CHODL: variants seen among roughly 807,000 people sequenced by gnomAD.
CHODL encodes transmembrane protein MT75.
A neutral mutation model predicts 34.5 loss-of-function variants in CHODL; 29 were observed. The observed-to-expected ratio is 0.84, with a 90% CI of 0.63 to 1.15. The LOEUF (loss-of-function observed/expected upper bound fraction) is 1.15, where lower values mean the gene tolerates loss of function less well. CHODL is among the 50% of genes most tolerant of loss of function. The pLI is 0.00. For missense variants in CHODL, 332 were observed against 332.5 expected, an observed-to-expected ratio of 1.00 and a Z score of 0.01; for synonymous variants, 125 against 116.1, an observed-to-expected ratio of 1.08 and a Z score of -0.49.
At chr21:17,965,756 T>A (rs1443732220) in intron 1 of CHODL, among the ~76,000 whole-genome samples, 2 of 152,096 alleles carry the variant, frequency 1.3e-5, no homozygotes, top group Non-Finnish European at 2.9e-5. Context: ...CAATAAAAGT[T>A]AGTAAAGGGG....
At chr21:18,009,334 G>C (rs1212032599) in intron 1 of CHODL, among the ~76,000 whole-genome samples, 1 of 151,874 alleles carries the variant, frequency 6.6e-6, no homozygotes, top group Non-Finnish European at 1.5e-5. Flanking sequence ...CATTTTTAAA[G>C]GAAACGAAAA....
At chr21:18,257,226 C>A in intron 3 of CHODL, 99 bp downstream of exon 3, 2 of 1,133,940 alleles carry the variant, frequency 1.8e-6, no homozygotes, top group Non-Finnish European at 2.5e-6. Flanking sequence ...TTTTGTTTTT[C>A]TGCTGTGAAA....
At chr21:18,028,258 CTTTTT>C (rs879902610) in intron 2 of CHODL, among the ~76,000 whole-genome samples, 6,273 of 60,578 alleles carry the variant, frequency 0.1, 507 homozygotes, top group African/African-American at 0.2. Context: ...TTTTCCTTTT[CTTTTT>C]CTTTTTCCTT....
rs183082716 is a variant in CHODL, at chr21:18,112,349, T to C, written c.-45+84378T>C. 2.0e-5 allele frequency among the ~76,000 whole-genome samples: 3 copies of C among 152,268 alleles called. No homozygotes were observed. The East Asian group carries it at 5.8e-4, about 29-fold the overall frequency. Reference sequence around the variant, plus strand: ...AATATCTATACTACTCAAAGCAATATATATTTTTTAATGCAATCTCTATCA... The same window carrying C: ...AATATCTATACTACTCAAAGCAATACATATTTTTTAATGCAATCTCTATCA... On this transcript the variant is annotated intron_variant, in intron 2 of 6. Transcript: ENST00000400127.
intron 1 of CHODL, among the ~76,000 whole-genome samples, chr21:17,989,577 A>T (rs2063780964): frequency 6.6e-6 from 1 of 152,138 alleles, no homozygotes; most frequent in South Asian, 2.1e-4. Context: ...GAATAACCAA[A>T]ATGTAACAAA....
chr21:18,165,979 T>G (rs1225154267), intron 2 of CHODL, among the ~76,000 whole-genome samples: 1 of 152,132 alleles, frequency 6.6e-6, no homozygotes, highest in African/African-American at 2.4e-5. Flanking sequence ...CAGTAAAAAT[T>G]TATTCTGTGG....
intron 1 of CHODL, among the ~76,000 whole-genome samples, chr21:18,006,331 C>T (rs115354157): frequency 8.6e-5 from 13 of 150,322 alleles, no homozygotes; most frequent in African/African-American, 3.2e-4. Flanking sequence ...AAGAAACCTG[C>T]ACATGCCTGG....
chr21:18,012,919 G>A (rs2064032976), intron 1 of CHODL, among the ~76,000 whole-genome samples: 2 of 142,582 alleles, frequency 1.4e-5, no homozygotes, highest in Non-Finnish European at 1.5e-5. Flanking sequence ...TTCAGTAAAT[G>A]GATAAATAAA....
intron 1 of CHODL, among the ~76,000 whole-genome samples, chr21:17,986,799 A>G (rs532031134): frequency 3.9e-5 from 6 of 152,194 alleles, no homozygotes; most frequent in Admixed American, 6.5e-5. Context: ...AAGCGTTCCT[A>G]TTTTTCCCAG....
intron 2 of CHODL, among the ~76,000 whole-genome samples, chr21:18,091,352 G>A (rs966932959): frequency 6.6e-6 from 1 of 152,174 alleles, no homozygotes; most frequent in Non-Finnish European, 1.5e-5. Flanking sequence ...AACTAAGGTG[G>A]CACGTGACCT....
intron 1 of CHODL, among the ~76,000 whole-genome samples, chr21:17,964,097 A>G (rs1487711796): frequency 1.3e-5 from 2 of 152,222 alleles, no homozygotes; most frequent in African/African-American, 4.8e-5. Context: ...AGATTATACA[A>G]GTTAACATAA....
At chr21:18,245,985 A>G (rs960724896) in intron 1 of CHODL, 1 of 1,486,702 alleles carries the variant, frequency 6.7e-7, no homozygotes, top group Admixed American at 2.0e-5. Flanking sequence ...TGCACAATTA[A>G]GTCGGTCGAG....
Position 18,260,272 on chromosome 21 carries a change from T to C in CHODL, c.620T>C (p.Val207Ala), listed in dbSNP as rs1435034313. The change falls in exon 4 of 6, where the codon GTT becomes GCT. Residue 207 changes from valine (V) to alanine (A), a missense_variant. By Grantham distance (64) the Val-to-Ala change is moderately conservative (BLOSUM62 0). Coordinates refer to ENST00000299295, the MANE Select transcript of CHODL (RefSeq NM_024944.3). Reference sequence around the variant, plus strand: ...CCAGGAGACACCCATCAGAATGTGGTTGTTACTGAAGCAGGTAATTACTTC... The same window carrying C: ...CCAGGAGACACCCATCAGAATGTGGCTGTTACTGAAGCAGGTAATTACTTC... ...NQPGDTHQNV[V>A]VTEAGIIPNL... 3 of 1,587,404 alleles carry C rather than the reference T, an allele frequency of 1.9e-6. No individual in the cohort carries two copies. The highest frequency in any genetic ancestry group is 2.6e-6 in the Non-Finnish European group (3 of 1,167,760).
chr21:18,121,121 C>G (rs2065473901), intron 2 of CHODL, among the ~76,000 whole-genome samples: 1 of 152,126 alleles, frequency 6.6e-6, no homozygotes, highest in African/African-American at 2.4e-5. Flanking sequence ...CAGGGCTTCT[C>G]TTCTTTCTAC....
At chr21:18,087,730 C>T (rs944300481) in intron 2 of CHODL, among the ~76,000 whole-genome samples, 1 of 152,176 alleles carries the variant, frequency 6.6e-6, no homozygotes, top group South Asian at 2.1e-4. Context: ...GTGGCCTGCT[C>T]ACAACTCAGT....
chr21:18,066,046 T>G (rs2064727885), intron 2 of CHODL, among the ~76,000 whole-genome samples: 1 of 152,156 alleles, frequency 6.6e-6, no homozygotes, highest in Non-Finnish European at 1.5e-5. Flanking sequence ...CCAGAGAGAT[T>G]ATGGAGGATT....
chr21:18,208,104 G>T (rs1266195807), intron 2 of CHODL, among the ~76,000 whole-genome samples: 1 of 150,364 alleles, frequency 6.7e-6, no homozygotes, highest in African/African-American at 2.4e-5. Flanking sequence ...ATTAGATTAA[G>T]ATTTACTGTT....
chr21:18,128,825 AT>A (rs1366394369), intron 2 of CHODL, among the ~76,000 whole-genome samples: 1 of 152,114 alleles, frequency 6.6e-6, no homozygotes, highest in Non-Finnish European at 1.5e-5. Context: ...TTCATAAAAC[AT>A]TTATTTGTAA....
intron 1 of CHODL, among the ~76,000 whole-genome samples, chr21:18,017,646 G>C (rs560529464): frequency 1.5e-4 from 23 of 152,330 alleles, no homozygotes; most frequent in African/African-American, 5.5e-4. Context: ...GAAGCTTGTT[G>C]CAGAGGCAGA....
Sources: gnomAD v4.1 joint callset for allele counts (sites outside exome capture counted in the v4.1 genomes callset) on GRCh38, gnomAD v4.1.1 for gene constraint, MANE v1.5 for transcripts, NCBI Gene and HGNC (gene_info 2026-07-23, HGNC 2026-07-21) for gene names.